The following ZNF831 variants were observed in gnomAD, a reference collection of about 807,000 sequenced individuals.
The protein encoded by ZNF831 is chromosome 20 open reading frame 174.
A neutral mutation model predicts 95.8 loss-of-function variants in ZNF831; 59 were observed. The ratio of observed to expected loss-of-function variants is 0.62; its 90% CI spans 0.50 to 0.77. The LOEUF is 0.77. Ranked by LOEUF, ZNF831 falls within the 30% of genes least tolerant of loss-of-function variation. ZNF831 has a pLI of 0.00. For synonymous variants in ZNF831, 961 were observed against 925.5 expected, an observed-to-expected ratio of 1.04 and a Z score of -0.70; for missense variants, 2,205 against 2,164.0, an observed-to-expected ratio of 1.02 and a Z score of -0.38.
rs1208367323 is a variant in ZNF831, at chr20:59,257,894, C to T, written c.*3151C>T. ...ATGATGTTCAAGACTCACCAGGTTT[C>T]TCTCTCCACCTGTACCTACACCCAG... On this transcript the variant is annotated 3_prime_UTR_variant, in exon 6 of 6. Coordinates refer to ENST00000371030, the MANE Select transcript of ZNF831 (RefSeq NM_178457.3). 1 of 152,172 alleles carries T rather than the reference C, an allele frequency of 6.6e-6. No homozygotes were observed. The highest frequency in any genetic ancestry group is 1.9e-4 in the East Asian group (1 of 5,188). 9.4% of individuals were successfully genotyped at this position (152,172 alleles called of 1,614,324 possible).
chr20:59,233,912 C>T (rs1986867106), intron 4 of ZNF831, among the ~76,000 whole-genome samples: 1 of 152,204 alleles, frequency 6.6e-6, no homozygotes, highest in Admixed American at 6.5e-5. Context: ...GGCATGCAGC[C>T]ACCCTCATCC....
At chr20:59,237,182 G>A (rs1403812581) in intron 4 of ZNF831, among the ~76,000 whole-genome samples, 1 of 152,176 alleles carries the variant, frequency 6.6e-6, no homozygotes. Flanking sequence ...GGAAGAAAAT[G>A]GATAGAGTGG....
chr20:59,243,048 C>G (rs138025681), intron 4 of ZNF831, among the ~76,000 whole-genome samples: 5 of 152,218 alleles, frequency 3.3e-5, no homozygotes, highest in Admixed American at 2.6e-4. Flanking sequence ...AATAGAGCTT[C>G]TTAATTATTA....
chr20:59,220,820 C>A (rs1307578873), intron 4 of ZNF831, among the ~76,000 whole-genome samples: 2 of 152,132 alleles, frequency 1.3e-5, no homozygotes, highest in African/African-American at 4.8e-5. Flanking sequence ...TCCTTTGAGG[C>A]CAAGGCTGGT....
At chr20:59,137,606 G>A (rs1325285156) in intron 1 of ZNF831, among the ~76,000 whole-genome samples, 1 of 152,216 alleles carries the variant, frequency 6.6e-6, no homozygotes, top group Non-Finnish European at 1.5e-5. Context: ...TGTGTGGAAT[G>A]GAAGTTGCAA....
intron 4 of ZNF831, among the ~76,000 whole-genome samples, chr20:59,228,023 T>A (rs1468170961): frequency 2.0e-5 from 3 of 151,880 alleles, no homozygotes; most frequent in Admixed American, 6.6e-5. Context: ...TCAGAAAAAA[T>A]TTTCATAAAA....
rs76557413 is a variant in ZNF831 at position 59,185,869 on chromosome 20, G to A, written c.-36-5115G>A. On this transcript the variant is annotated intron_variant, in intron 1 of 5. Coordinates refer to ENST00000371030, the MANE Select transcript of ZNF831 (RefSeq NM_178457.3). ...TACTCATCCAGTTTCCTTAGGGTTT[G>A]GGGCTTTTGGAATTAAAACGCCTTT... is the stretch of plus-strand genomic sequence containing the variant. Among the ~76,000 whole-genome samples the A allele has an allele frequency of 5.8e-3, 889 of 152,290 alleles. 7 individuals carry two copies. The highest frequency in any genetic ancestry group is 0.02 in the African/African-American group (848 of 41,560).
chr20:59,221,177 T>C (rs138389987), intron 4 of ZNF831, among the ~76,000 whole-genome samples: 21 of 152,312 alleles, frequency 1.4e-4, no homozygotes, highest in African/African-American at 4.6e-4. Flanking sequence ...CCCCCAGGTC[T>C]GGACAAGACG....
chr20:59,206,908 C>T lies in ZNF831; in HGVS notation c.3879C>T (p.Tyr1293=), dbSNP rs1486083902. 5 of 1,613,616 alleles carry T rather than the reference C, an allele frequency of 3.1e-6. No individual in the cohort carries two copies. The highest frequency in any genetic ancestry group is 3.3e-5 in the Admixed American group (2 of 59,908). The stretch of plus-strand genomic sequence containing the variant: ...AGCATGCTTCTCTCTTCTACAGGTA[C>T]AAAGGGAATTTCTTGCAGAGCTGTG... ...QRKLKINPKR[Y]KGNFLQSCVQ... is the part of the protein sequence containing the mutation. Residue 1293 remains tyrosine (Y), a synonymous_variant, in exon 4 of 6, where the codon TAC becomes TAT. Transcript: ENST00000371030.
At chr20:59,197,577 T>C (rs1018839306) in intron 3 of ZNF831, among the ~76,000 whole-genome samples, 2 of 152,202 alleles carry the variant, frequency 1.3e-5, no homozygotes, top group Non-Finnish European at 2.9e-5. Flanking sequence ...AGCCAGGTGA[T>C]GGTGCTGGCG....
intron 4 of ZNF831, among the ~76,000 whole-genome samples, chr20:59,226,538 T>C (rs907807204): frequency 1.3e-5 from 2 of 151,974 alleles, no homozygotes; most frequent in African/African-American, 2.4e-5. Context: ...TTCTCGTTCA[T>C]GCCCGATATA....
At chr20:59,233,009 C>T (rs921827511) in intron 4 of ZNF831, among the ~76,000 whole-genome samples, 2 of 143,742 alleles carry the variant, frequency 1.4e-5, no homozygotes, top group Admixed American at 6.8e-5. Flanking sequence ...CACACACACA[C>T]ACACACACAC....
intron 1 of ZNF831, among the ~76,000 whole-genome samples, chr20:59,167,859 G>A (rs1317229923): frequency 1.3e-5 from 2 of 151,726 alleles, no homozygotes; most frequent in East Asian, 3.9e-4. Context: ...GGGTGACAGA[G>A]CAAGACTCCA....
intron 2 of ZNF831, among the ~76,000 whole-genome samples, chr20:59,148,460 T>C (rs1313005939): frequency 1.7e-5 from 2 of 116,808 alleles, no homozygotes; most frequent in African/African-American, 6.9e-5. Context: ...GACGGGCAGA[T>C]CACGAGGTCA....
At position 59,258,756 on chromosome 20, in the gene ZNF831, A is replaced by G. The variant is rs897637589; in HGVS notation, c.*4013A>G. 6.6e-6 allele frequency: 1 copy of G among 152,240 alleles called. No individual in the cohort carries two copies. Among genetic ancestry groups the G allele is most frequent in the African/African-American group, 2.4e-5 (1 of 41,466 alleles). The allele number at this position is 152,240 out of a possible 1,614,324, so 9.4% of individuals were successfully genotyped here. Reference sequence around the variant, plus strand: ...TTATTTTTCAGAACCCATTAAATATAAGGGTCAGAACCTAGAAAATCTTAT... The same window carrying G: ...TTATTTTTCAGAACCCATTAAATATGAGGGTCAGAACCTAGAAAATCTTAT... On this transcript the variant is annotated 3_prime_UTR_variant, in exon 6 of 6. Transcript: ENST00000371030.
Position 59,257,537 on chromosome 20 carries a change from C to A in ZNF831, c.*2794C>A, listed in dbSNP as rs939206793. On this transcript the variant is annotated 3_prime_UTR_variant, in exon 6 of 6. Coordinates refer to ENST00000371030, the MANE Select transcript of ZNF831 (RefSeq NM_178457.3). ...TACATTTTAAGGGTAACATTAACAA[C>A]CTAGAACCCAGTTTGGGTTACTAAA... The A allele has an allele frequency of 5.3e-5, 8 of 152,060 alleles. No homozygotes were observed. In the East Asian group the frequency reaches 1.5e-3, roughly 29 times the overall value. 9.4% of individuals were successfully genotyped at this position (152,060 alleles called of 1,614,324 possible).
chr20:59,253,484 A>G (rs963539348), intron 5 of ZNF831, among the ~76,000 whole-genome samples: 2 of 152,124 alleles, frequency 1.3e-5, no homozygotes, highest in South Asian at 2.1e-4. Flanking sequence ...CCACTAAAAT[A>G]TGTATCCAGA....
At chr20:59,197,809 C>T (rs1984234539) in intron 3 of ZNF831, among the ~76,000 whole-genome samples, 1 of 152,168 alleles carries the variant, frequency 6.6e-6, no homozygotes, top group Non-Finnish European at 1.5e-5. Context: ...TCGAGTGCTG[C>T]TCTTGGAGGA....
chr20:59,237,124 A>T (rs905020129), intron 4 of ZNF831, among the ~76,000 whole-genome samples: 124 of 152,366 alleles, frequency 8.1e-4, no homozygotes, highest in African/African-American at 2.9e-3. Context: ...AACCTTCATA[A>T]TAATGAACTA....
Sources: gnomAD v4.1 joint callset for allele counts (sites outside exome capture counted in the v4.1 genomes callset) on GRCh38, gnomAD v4.1.1 for gene constraint, MANE v1.5 for transcripts, NCBI Gene and HGNC (gene_info 2026-07-23, HGNC 2026-07-21) for gene names.